The following ABTB2 variants were observed in gnomAD, a reference collection of about 807,000 sequenced individuals.
ABTB2 encodes the protein ankyrin repeat and BTB domain containing 2, also known as ankyrin repeat and BTB/POZ domain-containing protein 2.
Under a neutral mutation model 104.1 loss-of-function variants are expected in ABTB2, and 56 were observed. The observed-to-expected ratio is 0.54, with a 90% CI of 0.43 to 0.67. The LOEUF (loss-of-function observed/expected upper bound fraction) is 0.67, where lower values mean the gene tolerates loss of function less well. Among genes scored for constraint, ABTB2 ranks in the 30% least tolerant of loss-of-function variants. The probability of loss-of-function intolerance (pLI) is 0.00; values close to 1 mark genes in which losing one functional copy is unlikely to be tolerated. For missense variants in ABTB2, 1,279 were observed against 1,407.7 expected (o/e 0.91, Z 1.46); for synonymous variants, 606 against 608.2 (o/e 1.00, Z 0.05).
rs534776240 is a variant in ABTB2 at position 34,210,905 on chromosome 11, C to T, written c.884-6215G>A. On this transcript the variant is annotated intron_variant, in intron 1 of 16. Transcript: ENST00000435224. Reference sequence around the variant, plus strand: ...ATAAAAATTATACTGCCCCACTGAACGGTTTCCAAATAGCCCAGATAAGCC... The same window carrying T: ...ATAAAAATTATACTGCCCCACTGAATGGTTTCCAAATAGCCCAGATAAGCC... 9.9e-5 allele frequency among the ~76,000 whole-genome samples: 15 copies of T among 152,278 alleles called. No individual in the cohort carries two copies. The South Asian group carries it at 1.9e-3, about 19-fold the overall frequency.
intron 1 of ABTB2, among the ~76,000 whole-genome samples, chr11:34,278,248 T>G (rs1008743428): frequency 2.0e-5 from 3 of 152,188 alleles, no homozygotes; most frequent in African/African-American, 7.2e-5. Context: ...ATCTAGAATT[T>G]CTTCAGTGTT....
chr11:34,280,738 AG>A (rs1447950913), intron 1 of ABTB2, among the ~76,000 whole-genome samples: 1 of 152,168 alleles, frequency 6.6e-6, no homozygotes, highest in Non-Finnish European at 1.5e-5. Flanking sequence ...CCACCCTGCG[AG>A]GTAAGTATCT....
chr11:34,165,580 C>T (rs950380822), intron 7 of ABTB2, among the ~76,000 whole-genome samples: 2 of 152,240 alleles, frequency 1.3e-5, no homozygotes. Context: ...AAGACCAAGC[C>T]CCTAAGCTGT....
chr11:34,182,162 T>C (rs1258143785), intron 3 of ABTB2, among the ~76,000 whole-genome samples: 3 of 152,232 alleles, frequency 2.0e-5, no homozygotes, highest in African/African-American at 4.8e-5. Context: ...ATAGCTTCCC[T>C]GAGATTTCCA....
At chr11:34,247,867 T>C (rs1288206108) in intron 1 of ABTB2, among the ~76,000 whole-genome samples, 1 of 152,122 alleles carries the variant, frequency 6.6e-6, no homozygotes, top group Non-Finnish European at 1.5e-5. Flanking sequence ...ATTTTGTACA[T>C]GAGGAAATCG....
chr11:34,349,638 A>G (rs1855374875), intron 1 of ABTB2, among the ~76,000 whole-genome samples: 1 of 152,106 alleles, frequency 6.6e-6, no homozygotes, highest in South Asian at 2.1e-4. Context: ...TCTCACAACC[A>G]TCCTATGAGT....
rs201209397 is a variant in ABTB2, at chr11:34,162,626, T to A, written c.2168A>T (p.Tyr723Phe). 80 of 1,613,478 alleles carry A rather than the reference T, an allele frequency of 5.0e-5. No homozygotes were observed. Among genetic ancestry groups the A allele is most frequent in the Non-Finnish European group, 6.2e-5 (73 of 1,180,010 alleles). The change falls in exon 10 of 17, where the codon TAC (tyrosine) becomes TTC (phenylalanine). Residue 723 changes from tyrosine (Y) to phenylalanine (F), a missense_variant. By Grantham distance (22) the Tyr-to-Phe change is conservative. Coordinates refer to ENST00000435224, the MANE Select transcript of ABTB2 (RefSeq NM_145804.3). ...RTKALQEAMY[Y>F]SAEHGYVDIT... ...GTCCACGTAGCCGTGCTCAGCGCTG[T>A]AGTACATGGCCTCCTGTAGGGCCTT...
chr11:34,157,456 C>G (rs1852645150), intron 14 of ABTB2, among the ~76,000 whole-genome samples: 1 of 152,200 alleles, frequency 6.6e-6, no homozygotes, highest in African/African-American at 2.4e-5. Context: ...GCGACTGAGC[C>G]CGCACAGGTC....
intron 1 of ABTB2, among the ~76,000 whole-genome samples, chr11:34,305,877 A>C (rs1352940093): frequency 6.6e-6 from 1 of 152,198 alleles, no homozygotes; most frequent in East Asian, 1.9e-4. Context: ...GACAAAAGAC[A>C]TTCTTCTATA....
At chr11:34,171,129 A>G (rs1852869216) in intron 4 of ABTB2, 58 bp from the exon 5 acceptor site, 15 of 1,565,634 alleles carry the variant, frequency 9.6e-6, no homozygotes, top group Non-Finnish European at 1.3e-5. Context: ...ACTTTCAATG[A>G]TGTGACACAC....
chr11:34,318,287 T>C (rs1267469), intron 1 of ABTB2, among the ~76,000 whole-genome samples: 127,363 of 152,104 alleles, frequency 0.84, 53,823 homozygotes, highest in African/African-American at 0.96. Context: ...TTTTGGTTCC[T>C]AGTGTCTATT....
chr11:34,173,194 A>C lies in ABTB2; in HGVS notation c.1358T>G (p.Leu453Arg), dbSNP rs767046369. The change falls in exon 4 of 17, where the codon CTG becomes CGG. Residue 453 changes from leucine (L) to arginine (R), a missense_variant. By Grantham distance (102) the Leu-to-Arg change is moderately radical. Transcript: ENST00000435224. ...DSGDIRQAAR[L>R]LLPGLDCEPR... Reference sequence around the variant, plus strand: ...TTCACAGTCCAGACCAGGCAGCAGCAGCCGGGCTGCCTGCCGGATGTCGCC... The same window carrying C: ...TTCACAGTCCAGACCAGGCAGCAGCCGCCGGGCTGCCTGCCGGATGTCGCC... 6.2e-7 allele frequency: 1 copy of C among 1,613,780 alleles called. No homozygotes were observed. The highest frequency in any genetic ancestry group is 8.5e-7 in the Non-Finnish European group (1 of 1,179,942).
chr11:34,162,282 G>A (rs1308953710), intron 10 of ABTB2, among the ~76,000 whole-genome samples: 1 of 152,230 alleles, frequency 6.6e-6, no homozygotes, highest in Admixed American at 6.5e-5. Context: ...GGCTGTGACT[G>A]GGGAGGGGGC....
chr11:34,299,349 T>TG (rs981563442), intron 1 of ABTB2, among the ~76,000 whole-genome samples: 1 of 152,182 alleles, frequency 6.6e-6, no homozygotes, highest in Admixed American at 6.5e-5. Flanking sequence ...TCCAAATTGA[T>TG]GGTTTTTTTT....
intron 1 of ABTB2, among the ~76,000 whole-genome samples, chr11:34,277,058 C>G (rs1854390125): frequency 6.6e-6 from 1 of 152,168 alleles, no homozygotes; most frequent in African/African-American, 2.4e-5. Context: ...CCTGCCACCC[C>G]ACACAGCTAA....
chr11:34,330,513 A>G (rs1157549018), intron 1 of ABTB2, among the ~76,000 whole-genome samples: 2 of 152,254 alleles, frequency 1.3e-5, no homozygotes, highest in Non-Finnish European at 2.9e-5. Context: ...ATGAGAAAGA[A>G]TGTGAAAGTG....
intron 1 of ABTB2, among the ~76,000 whole-genome samples, chr11:34,211,062 G>A (rs1853475218): frequency 6.6e-6 from 1 of 152,174 alleles, no homozygotes; most frequent in South Asian, 2.1e-4. Context: ...GTTGAAGCAT[G>A]AATAGTTTTC....
intron 1 of ABTB2, among the ~76,000 whole-genome samples, chr11:34,214,139 A>ACACACACAC (rs1853519948): frequency 9.8e-4 from 136 of 139,268 alleles, no homozygotes; most frequent in Middle Eastern, 3.6e-3. Context: ...GCACATTCAA[A>ACACACACAC]ACACACACAC....
intron 1 of ABTB2, among the ~76,000 whole-genome samples, chr11:34,246,601 CAAAAAAAAAAAA>C (rs60681759): frequency 2.3e-4 from 8 of 34,770 alleles, no homozygotes; most frequent in East Asian, 1.3e-3. Context: ...AACTCCATCT[CAAAAAAAAAAAA>C]AAAAAAAAAA....
Sources: allele counts gnomAD v4.1 joint callset (sites outside exome capture counted in the v4.1 genomes callset), GRCh38; gene constraint gnomAD v4.1.1; transcripts MANE v1.5; gene names NCBI Gene and HGNC (gene_info 2026-07-23, HGNC 2026-07-21).